The following SSUH2 variants were observed in gnomAD, a reference collection of about 807,000 sequenced individuals.
SSUH2 encodes the protein ssu-2 homolog.
A neutral mutation model predicts 55.3 loss-of-function variants in SSUH2; 47 were observed. That is an observed-to-expected ratio of 0.85 (90% CI 0.67 to 1.08). The LOEUF is 1.08. Among genes scored for constraint, SSUH2 ranks in the 50% least tolerant of loss-of-function variants. The probability of loss-of-function intolerance (pLI) is 0.00; values close to 1 mark genes in which losing one functional copy is unlikely to be tolerated. For synonymous variants in SSUH2, 212 were observed against 191.5 expected (o/e 1.11, Z -0.89); for missense variants, 535 against 490.7 (o/e 1.09, Z -0.85).
At chr3:8,659,698 T>C in intron 6 of SSUH2, 1 of 448,096 alleles carries the variant, frequency 2.2e-6, no homozygotes, top group South Asian at 1.6e-5. Context: ...TATTCATCCA[T>C]CTACCATGCA....
chr3:8,619,693 A>T lies in SSUH2; in HGVS notation c.*175T>A. The stretch of plus-strand genomic sequence containing the variant: ...AAACATATGAGTCATGGATTCCACC[A>T]GAGGAGCTGTATAAGGGGTTGGAGC... On this transcript the variant is annotated 3_prime_UTR_variant, in exon 12 of 12. Coordinates refer to ENST00000544814, the MANE Select transcript of SSUH2 (RefSeq NM_001256748.3). 1 of 605,116 alleles carries T rather than the reference A, an allele frequency of 1.7e-6. No individual in the cohort carries two copies. Among genetic ancestry groups the T allele is most frequent in the South Asian group, 2.3e-5 (1 of 43,194 alleles). 37.5% of individuals were successfully genotyped at this position (605,116 alleles called of 1,614,324 possible).
chr3:8,638,916 G>T (rs1302720705), intron 1 of SSUH2, among the ~76,000 whole-genome samples: 1 of 152,166 alleles, frequency 6.6e-6, no homozygotes, highest in Non-Finnish European at 1.5e-5. Context: ...CCATTCGGCT[G>T]CAATGTCCTG....
chr3:8,653,886 C>A (rs1575295923), intron 7 of SSUH2, among the ~76,000 whole-genome samples: 1 of 152,176 alleles, frequency 6.6e-6, no homozygotes, highest in East Asian at 1.9e-4. Context: ...TCACTCTCTA[C>A]CTCCCGACCC....
At chr3:8,635,611 T>A in intron 2 of SSUH2, 148 bp downstream of exon 2, 2 of 818,626 alleles carry the variant, frequency 2.4e-6, no homozygotes, top group Non-Finnish European at 3.7e-6. Flanking sequence ...CATTGCTTCC[T>A]CTTTCCACCT....
intron 1 of SSUH2, among the ~76,000 whole-genome samples, chr3:8,642,522 G>A (rs1199993538): frequency 2.0e-5 from 3 of 152,248 alleles, no homozygotes; most frequent in African/African-American, 7.2e-5. Flanking sequence ...GCCAAAGTAG[G>A]AGATGCTGCC....
chr3:8,641,128 C>T (rs919742272), intron 1 of SSUH2, among the ~76,000 whole-genome samples: 1 of 152,164 alleles, frequency 6.6e-6, no homozygotes, highest in Non-Finnish European at 1.5e-5. Context: ...TAGACCTCCC[C>T]GTCTCCAAAG....
intron 3 of SSUH2, chr3:8,634,560 T>C (rs902437624): frequency 7.8e-7 from 1 of 1,289,850 alleles, no homozygotes; most frequent in Non-Finnish European, 1.0e-6. Flanking sequence ...GGGGCCCGTC[T>C]GTCTTCAGAT....
intron 5 of SSUH2, among the ~76,000 whole-genome samples, chr3:8,670,593 C>T (rs531311214): frequency 1.4e-4 from 21 of 152,124 alleles, no homozygotes; most frequent in Non-Finnish European, 2.6e-4. Flanking sequence ...TTGGATATTA[C>T]GACTAATATG....
At chr3:8,678,621 C>CAG (rs1705635762) in intron 2 of SSUH2, among the ~76,000 whole-genome samples, 2 of 67,976 alleles carry the variant, frequency 2.9e-5, no homozygotes, top group Admixed American at 1.5e-4. Context: ...CTTCTTCCCC[C>CAG]CCGGCTTTTG....
chr3:8,634,278 G>T (rs1272780264), intron 3 of SSUH2: 2 of 825,886 alleles, frequency 2.4e-6, no homozygotes, highest in African/African-American at 1.8e-5. Context: ...AGCGCCCATG[G>T]AGACTCACCC....
intron 5 of SSUH2, among the ~76,000 whole-genome samples, chr3:8,667,316 G>A (rs1704081486): frequency 6.6e-6 from 1 of 152,166 alleles, no homozygotes. Flanking sequence ...TTCATAAACT[G>A]TCATGGTGCT....
At chr3:8,658,004 G>A (rs1200098723) in intron 7 of SSUH2, among the ~76,000 whole-genome samples, 2 of 152,228 alleles carry the variant, frequency 1.3e-5, no homozygotes, top group African/African-American at 2.4e-5. Flanking sequence ...TTCTTCCCAT[G>A]TGTGGGGAGA....
intron 5 of SSUH2, among the ~76,000 whole-genome samples, chr3:8,669,833 A>G (rs1316506199): frequency 1.3e-5 from 2 of 152,196 alleles, no homozygotes; most frequent in African/African-American, 4.8e-5. Context: ...TCATAAAAGG[A>G]CAAGTACAGG....
chr3:8,625,245 T>G, intron 10 of SSUH2, among the ~76,000 whole-genome samples: 1 of 147,700 alleles, frequency 6.8e-6, no homozygotes, highest in East Asian at 2.0e-4. Context: ...AAGGAGGGGA[T>G]GAGGAAGGAA....
intron 3 of SSUH2, among the ~76,000 whole-genome samples, chr3:8,672,749 C>A (rs1254862162): frequency 3.9e-5 from 6 of 152,082 alleles, no homozygotes; most frequent in Non-Finnish European, 8.8e-5. Flanking sequence ...AAGGGGTGTA[C>A]ACTTCCTGTG....
At chr3:8,648,018 C>G (rs745552431), upstream of SSUH2, among the ~76,000 whole-genome samples, 1 of 152,178 alleles carries the variant, frequency 6.6e-6, no homozygotes, top group African/African-American at 2.4e-5. Flanking sequence ...ACTGGCATAT[C>G]CCTCCAGGCC....
intron 5 of SSUH2, among the ~76,000 whole-genome samples, chr3:8,668,947 T>TGGGA (rs1553603831): frequency 3.8e-5 from 3 of 78,388 alleles, no homozygotes; most frequent in African/African-American, 1.5e-4. Flanking sequence ...AGAAAGAGAG[T>TGGGA]GGGAGGGAGG....
chr3:8,644,715 T>A lies in SSUH2; in HGVS notation c.28+16A>T, dbSNP rs867037831. ...CTCCACACAGTCTTCCGTGCCATCT[T>A]TGAGGCTCTACTTACTGTCATCTTC... is the stretch of plus-strand genomic sequence containing the variant. On this transcript the variant is annotated intron_variant, in intron 1 of 11. Transcript: ENST00000544814. The A allele has an allele frequency of 2.0e-6, 3 of 1,535,546 alleles. No individual in the cohort carries two copies. In the Middle Eastern group the frequency reaches 5.0e-4, roughly 256 times the overall value.
At chr3:8,658,351 G>A (rs994291468) in intron 7 of SSUH2, among the ~76,000 whole-genome samples, 1 of 152,170 alleles carries the variant, frequency 6.6e-6, no homozygotes, top group Admixed American at 6.5e-5. Context: ...AGAGTTTCTG[G>A]CTAGAGGAGA....
Sources: allele counts gnomAD v4.1 joint callset (sites outside exome capture counted in the v4.1 genomes callset), GRCh38; gene constraint gnomAD v4.1.1; transcripts MANE v1.5; gene names NCBI Gene and HGNC (gene_info 2026-07-23, HGNC 2026-07-21).